Variants in RNF150 observed in about 807,000 individuals in gnomAD.
RNF150 encodes the protein ring finger protein 150.
RNF150 carries 24 observed loss-of-function variants against 39.3 expected under a neutral mutation model. That is an observed-to-expected ratio of 0.61 (90% CI 0.44 to 0.86). The LOEUF (loss-of-function observed/expected upper bound fraction) is 0.86. RNF150 is among the 40% of genes least tolerant of loss of function. The pLI is 0.00. For missense variants in RNF150, 502 were observed against 587.8 expected, an observed-to-expected ratio of 0.85 and a Z score of 1.51; for synonymous variants, 255 against 227.3, an observed-to-expected ratio of 1.12 and a Z score of -1.10.
At chr4:141,102,946 T>C (rs539810906) in intron 1 of RNF150, among the ~76,000 whole-genome samples, 8 of 152,286 alleles carry the variant, frequency 5.3e-5, no homozygotes, top group Admixed American at 4.6e-4. Flanking sequence ...CCACAGCTTT[T>C]TCTTCTTGTC....
chr4:141,042,971 T>C (rs1736425409), intron 1 of RNF150, among the ~76,000 whole-genome samples: 1 of 152,120 alleles, frequency 6.6e-6, no homozygotes, highest in Non-Finnish European at 1.5e-5. Flanking sequence ...TACACCAACC[T>C]AATACTTCAG....
At chr4:140,953,156 T>C (rs898744933) in intron 2 of RNF150, among the ~76,000 whole-genome samples, 3 of 152,238 alleles carry the variant, frequency 2.0e-5, no homozygotes, top group Non-Finnish European at 4.4e-5. Flanking sequence ...ATGCAGTGCA[T>C]GACTGTAATA....
chr4:141,198,710 A>C (rs1350692969), intron 1 of RNF150, among the ~76,000 whole-genome samples: 2 of 152,236 alleles, frequency 1.3e-5, no homozygotes, highest in Non-Finnish European at 2.9e-5. Context: ...AAAAGTTTAA[A>C]AATTCAGTAA....
chr4:140,953,024 A>C (rs1732601493), intron 2 of RNF150, among the ~76,000 whole-genome samples: 2 of 152,228 alleles, frequency 1.3e-5, no homozygotes, highest in Admixed American at 1.3e-4. Flanking sequence ...TACTGTAGGC[A>C]GCTGTAACAC....
At position 140,862,261 on chromosome 4, in the gene RNF150, C is replaced by T. The variant is rs749575874; in HGVS notation, c.*6000G>A. On this transcript the variant is annotated 3_prime_UTR_variant, in exon 7 of 7. Coordinates refer to ENST00000515673, the MANE Select transcript of RNF150 (RefSeq NM_020724.2). ...TCTTAATAGACGTGTATATTTTTGT[C>T]TTATCATCAGCAAATATTTATCAGG... 4 of 152,150 alleles carry T rather than the reference C, an allele frequency of 2.6e-5. No homozygotes were observed. Among genetic ancestry groups the T allele is most frequent in the Non-Finnish European group, 5.9e-5 (4 of 68,038 alleles). The allele number at this position is 152,150 out of a possible 1,614,324, so 9.4% of individuals were successfully genotyped here.
intron 1 of RNF150, among the ~76,000 whole-genome samples, chr4:140,996,432 T>C (rs562384463): frequency 1.4e-4 from 21 of 152,312 alleles, no homozygotes; most frequent in African/African-American, 4.6e-4. Context: ...AGAGGTGGCA[T>C]GATAGAGTAG....
intron 1 of RNF150, among the ~76,000 whole-genome samples, chr4:141,055,508 T>A (rs1736933666): frequency 6.6e-6 from 1 of 152,146 alleles, no homozygotes; most frequent in African/African-American, 2.4e-5. Flanking sequence ...TTAAAAGCAG[T>A]TAGAATTGCT....
intron 1 of RNF150, among the ~76,000 whole-genome samples, chr4:141,052,404 C>G (rs966642498): frequency 2.6e-5 from 4 of 152,138 alleles, no homozygotes; most frequent in Non-Finnish European, 4.4e-5. Flanking sequence ...GAGATGGAGG[C>G]TCACTCTGTT....
chr4:140,969,272 C>T (rs902951131), intron 1 of RNF150, among the ~76,000 whole-genome samples: 3 of 152,052 alleles, frequency 2.0e-5, no homozygotes, highest in Non-Finnish European at 4.4e-5. Context: ...TCTGTGTATG[C>T]TACATCAATT....
intron 1 of RNF150, among the ~76,000 whole-genome samples, chr4:140,973,535 C>T (rs1018368688): frequency 8.6e-5 from 12 of 139,752 alleles, no homozygotes; most frequent in African/African-American, 3.1e-4. Flanking sequence ...ATACCCCTCT[C>T]ATTTGAAAAA....
intron 4 of RNF150, among the ~76,000 whole-genome samples, chr4:140,930,409 C>T (rs1199253331): frequency 6.6e-6 from 1 of 152,184 alleles, no homozygotes; most frequent in Non-Finnish European, 1.5e-5. Context: ...CAACATATCC[C>T]TCCAATTAGG....
At chr4:141,203,994 G>A (rs539321186) in intron 1 of RNF150, among the ~76,000 whole-genome samples, 45 of 152,258 alleles carry the variant, frequency 3.0e-4, no homozygotes, top group Non-Finnish European at 5.3e-4. Context: ...CCAAGCCAGG[G>A]TAACACTGTG....
chr4:141,126,473 T>C (rs956116285), intron 1 of RNF150, among the ~76,000 whole-genome samples: 6 of 152,230 alleles, frequency 3.9e-5, no homozygotes, highest in African/African-American at 1.4e-4. Context: ...ACCAAGTCTG[T>C]TTCCGTAACA....
intron 1 of RNF150, among the ~76,000 whole-genome samples, chr4:141,157,695 T>C (rs1015652692): frequency 6.6e-6 from 1 of 151,958 alleles, no homozygotes; most frequent in Non-Finnish European, 1.5e-5. Context: ...TTTAAAAAAC[T>C]CTAAGGAAGT....
At chr4:141,105,837 A>G (rs1578735465) in intron 1 of RNF150, among the ~76,000 whole-genome samples, 1 of 152,172 alleles carries the variant, frequency 6.6e-6, no homozygotes, top group African/African-American at 2.4e-5. Context: ...ACTCCATAAA[A>G]CCAATGTTTC....
chr4:140,982,248 C>T (rs6820265), intron 1 of RNF150, among the ~76,000 whole-genome samples: 46,455 of 151,910 alleles, frequency 0.31, 7,880 homozygotes, highest in East Asian at 0.71. Context: ...ACATATGAAA[C>T]CCTTCAAAGT....
intron 1 of RNF150, among the ~76,000 whole-genome samples, chr4:141,176,813 A>T (rs926168644): frequency 6.6e-6 from 1 of 152,212 alleles, no homozygotes; most frequent in South Asian, 2.1e-4. Context: ...TAATTCTACA[A>T]TATCAATTTA....
intron 1 of RNF150, among the ~76,000 whole-genome samples, chr4:141,076,972 A>G (rs933673133): frequency 6.6e-6 from 1 of 152,070 alleles, no homozygotes; most frequent in Non-Finnish European, 1.5e-5. Context: ...TGCCTCCCAA[A>G]TCCTAAAATG....
At chr4:140,898,539 C>T (rs1457212682) in intron 6 of RNF150, among the ~76,000 whole-genome samples, 1 of 152,212 alleles carries the variant, frequency 6.6e-6, no homozygotes, top group African/African-American at 2.4e-5. Context: ...ATATGATATG[C>T]ATATATGAAC....
Sources: gnomAD v4.1 joint callset for allele counts (sites outside exome capture counted in the v4.1 genomes callset) on GRCh38, gnomAD v4.1.1 for gene constraint, MANE v1.5 for transcripts, NCBI Gene and HGNC (gene_info 2026-07-23, HGNC 2026-07-21) for gene names.